Variants in SEPTIN10 observed in about 807,000 individuals in gnomAD.
The protein encoded by SEPTIN10 is septin 10, also known as septin-10.
Under a neutral mutation model 54.8 loss-of-function variants are expected in SEPTIN10, and 66 were observed. That is an observed-to-expected ratio of 1.21 (90% CI 0.99 to 1.48). The LOEUF (loss-of-function observed/expected upper bound fraction) is 1.48, where lower values mean the gene tolerates loss of function less well. SEPTIN10 is among the 40% of genes most tolerant of loss of function. The pLI, the probability that SEPTIN10 is intolerant of heterozygous loss-of-function variation, is 0.00. For synonymous variants in SEPTIN10, 161 were observed against 181.0 expected (o/e 0.89, Z 0.89); for missense variants, 620 against 545.6 (o/e 1.14, Z -1.36).
intron 1 of SEPTIN10, among the ~76,000 whole-genome samples, chr2:109,595,372 T>C (rs1352034193): frequency 6.6e-6 from 1 of 152,214 alleles, no homozygotes; most frequent in Non-Finnish European, 1.5e-5. Context: ...CTGATTTTAA[T>C]ACCTGGCTTC....
chr2:109,544,082 G>C lies in SEPTIN10; in HGVS notation c.*227C>G, dbSNP rs1680541049. Reference sequence around the variant, plus strand: ...AAAGATTCAGATTTTGAAGCTTCTGGATTTCAGATTTTTGAATTAGAGATG... The same window carrying C: ...AAAGATTCAGATTTTGAAGCTTCTGCATTTCAGATTTTTGAATTAGAGATG... On this transcript the variant is annotated 3_prime_UTR_variant, in exon 11 of 11. Transcript: ENST00000397712. The C allele has an allele frequency of 2.9e-6, 4 of 1,395,486 alleles. No homozygotes were observed. The highest frequency in any genetic ancestry group is 3.9e-6 in the Non-Finnish European group (4 of 1,033,742). 86.4% of individuals were successfully genotyped at this position (1,395,486 alleles called of 1,614,324 possible).
chr2:109,570,655 G>A (rs1688151558), intron 5 of SEPTIN10, among the ~76,000 whole-genome samples: 1 of 151,810 alleles, frequency 6.6e-6, no homozygotes, highest in Non-Finnish European at 1.5e-5. Context: ...CCGAGTAGCT[G>A]GGATTACAGG....
intron 1 of SEPTIN10, among the ~76,000 whole-genome samples, chr2:109,603,746 G>C (rs562000557): frequency 5.9e-5 from 9 of 152,320 alleles, no homozygotes; most frequent in African/African-American, 1.9e-4. Flanking sequence ...AAAGGCTTGA[G>C]CAGAGACTTG....
At chr2:109,549,757 T>C (rs1682388720) in intron 9 of SEPTIN10, among the ~76,000 whole-genome samples, 1 of 152,136 alleles carries the variant, frequency 6.6e-6, no homozygotes, top group South Asian at 2.1e-4. Flanking sequence ...TAGACACCTA[T>C]AGTAAAGTTA....
chr2:109,594,658 AAG>A (rs1222321459), intron 1 of SEPTIN10: 1 of 152,258 alleles, frequency 6.6e-6, no homozygotes. Context: ...ATTGCAATGA[AAG>A]AGAGAACCTG....
At position 109,604,814 on chromosome 2, in the gene SEPTIN10, C is replaced by T. The variant is rs550742627; in HGVS notation, c.30+8984G>A. The T allele has an allele frequency of 3.9e-5, 6 of 152,304 alleles. No individual in the cohort carries two copies. The South Asian group carries it at 1.0e-3, about 26-fold the overall frequency. The allele number at this position is 152,304 out of a possible 1,614,324, so 9.4% of individuals were successfully genotyped here. On this transcript the variant is annotated intron_variant, in intron 1 of 10. Transcript: ENST00000397712. ...TTGGAAAATCACAGTGAGCTCATCA[C>T]TGAAGCCCAAGGAGGCTTACATGTA...
intron 1 of SEPTIN10, 96 bp downstream of exon 1, chr2:109,613,702 T>A (rs987616070): frequency 2.4e-6 from 2 of 844,610 alleles, no homozygotes; most frequent in Non-Finnish European, 1.6e-6. Flanking sequence ...CGGGTCACAA[T>A]CCCGGGCCGG....
At chr2:109,580,827 T>C (rs972965460) in intron 4 of SEPTIN10, among the ~76,000 whole-genome samples, 1 of 152,208 alleles carries the variant, frequency 6.6e-6, no homozygotes, top group African/African-American at 2.4e-5. Flanking sequence ...ATGTCCCAGC[T>C]TCCTGACTGG....
At chr2:109,565,262 C>T (rs1186418638) in intron 7 of SEPTIN10, among the ~76,000 whole-genome samples, 1 of 151,966 alleles carries the variant, frequency 6.6e-6, no homozygotes, top group Non-Finnish European at 1.5e-5. Context: ...GTAATCTATT[C>T]ACCATTAATT....
chr2:109,562,120 T>C (rs1465333321), intron 8 of SEPTIN10, among the ~76,000 whole-genome samples: 1 of 151,822 alleles, frequency 6.6e-6, no homozygotes, highest in African/African-American at 2.4e-5. Flanking sequence ...GGCTGAGGCA[T>C]GAGAATCGCT....
intron 1 of SEPTIN10, among the ~76,000 whole-genome samples, chr2:109,599,155 A>G (rs1049253215): frequency 6.6e-6 from 1 of 151,548 alleles, no homozygotes; most frequent in Admixed American, 6.6e-5. Flanking sequence ...TACAACCCAG[A>G]AAAAAAAGAA....
chr2:109,565,871 T>C lies in SEPTIN10; in HGVS notation c.763-12A>G, dbSNP rs372952684. 6.2e-7 allele frequency: 1 copy of C among 1,606,944 alleles called. No individual in the cohort carries two copies. The stretch of plus-strand genomic sequence containing the variant: ...AACGGCAACTGTCCCTGAAAAAGAA[T>C]ATCGAGCACATCTTCTCATACCACT... On this transcript the variant is annotated splice_polypyrimidine_tract_variant and intron_variant, in intron 6 of 10. Transcript: ENST00000397712.
intron 1 of SEPTIN10, among the ~76,000 whole-genome samples, chr2:109,604,179 AG>A (rs746168092): frequency 2.7e-5 from 4 of 147,350 alleles, no homozygotes; most frequent in Admixed American, 6.8e-5. Flanking sequence ...AAAAAAAAAA[AG>A]AATTAAAAAA....
chr2:109,608,493 T>C (rs1252962542), intron 1 of SEPTIN10, among the ~76,000 whole-genome samples: 2 of 152,202 alleles, frequency 1.3e-5, no homozygotes, highest in Non-Finnish European at 2.9e-5. Flanking sequence ...TTCTACCTTA[T>C]CTTTGGTAAG....
intron 1 of SEPTIN10, among the ~76,000 whole-genome samples, chr2:109,606,574 T>C (rs1317040972): frequency 6.6e-6 from 1 of 150,480 alleles, no homozygotes; most frequent in Non-Finnish European, 1.5e-5. Context: ...CTTTATTACC[T>C]GCAAAGATCT....
chr2:109,553,246 T>C (rs959153220), intron 8 of SEPTIN10, 27 bp from the exon 9 acceptor site: 1 of 1,611,186 alleles, frequency 6.2e-7, no homozygotes, highest in Non-Finnish European at 8.5e-7. Context: ...GTTACTCTCC[T>C]GCTAAAAAGT....
chr2:109,580,076 G>A (rs1227830482), intron 4 of SEPTIN10, among the ~76,000 whole-genome samples: 2 of 151,800 alleles, frequency 1.3e-5, no homozygotes, highest in Non-Finnish European at 1.5e-5. Context: ...AGCCTAGATC[G>A]CACCACTGCA....
chr2:109,602,367 T>C (rs1435164106), intron 1 of SEPTIN10, among the ~76,000 whole-genome samples: 1 of 152,062 alleles, frequency 6.6e-6, no homozygotes, highest in Non-Finnish European at 1.5e-5. Context: ...TGGAACTAAA[T>C]CTCAAGGCTT....
chr2:109,603,130 A>T (rs1697025629), intron 1 of SEPTIN10, among the ~76,000 whole-genome samples: 1 of 152,120 alleles, frequency 6.6e-6, no homozygotes, highest in African/African-American at 2.4e-5. Flanking sequence ...GTTGACAGGA[A>T]CATCTGGGAA....
Sources: allele counts gnomAD v4.1 joint callset (sites outside exome capture counted in the v4.1 genomes callset), GRCh38; gene constraint gnomAD v4.1.1; transcripts MANE v1.5; gene names NCBI Gene and HGNC (gene_info 2026-07-23, HGNC 2026-07-21).